The following SPON1 variants were observed in gnomAD, a reference collection of about 807,000 sequenced individuals.
SPON1 encodes spondin-1.
Under a neutral mutation model 111.7 loss-of-function variants are expected in SPON1, and 52 were observed. The observed-to-expected ratio is 0.47, with a 90% CI of 0.37 to 0.59. The LOEUF is 0.59. Among genes scored for constraint, SPON1 ranks in the 20% least tolerant of loss-of-function variants. The pLI, the probability that SPON1 is intolerant of heterozygous loss-of-function variation, is 0.00. For missense variants in SPON1, 957 were observed against 1,068.5 expected (o/e 0.90, Z 1.46); for synonymous variants, 410 against 395.8 (o/e 1.04, Z -0.43).
chr11:14,211,027 C>T (rs1413071370), intron 6 of SPON1, among the ~76,000 whole-genome samples: 3 of 152,140 alleles, frequency 2.0e-5, no homozygotes, highest in African/African-American at 7.2e-5. Flanking sequence ...AGTTTGAAGT[C>T]AGGTAGTGTG....
At chr11:14,219,078 G>C (rs1208769156) in intron 6 of SPON1, among the ~76,000 whole-genome samples, 1 of 152,058 alleles carries the variant, frequency 6.6e-6, no homozygotes, top group Non-Finnish European at 1.5e-5. Context: ...ATGCTAGGTG[G>C]GTGTAGAAAG....
intron 6 of SPON1, among the ~76,000 whole-genome samples, chr11:14,186,699 A>G (rs1554934106): frequency 1.3e-5 from 2 of 152,022 alleles, no homozygotes; most frequent in African/African-American, 4.8e-5. Flanking sequence ...TACATTTCCC[A>G]TTTATATCCT....
chr11:14,063,471 T>C (rs73422186), intron 3 of SPON1, among the ~76,000 whole-genome samples: 2 of 152,094 alleles, frequency 1.3e-5, no homozygotes, highest in South Asian at 4.2e-4. Flanking sequence ...TTCTTGTAGC[T>C]GAAAATATTT....
chr11:14,101,368 C>T (rs1849142834), intron 5 of SPON1, among the ~76,000 whole-genome samples: 1 of 151,886 alleles, frequency 6.6e-6, no homozygotes, highest in African/African-American at 2.4e-5. Flanking sequence ...CCATTGCACT[C>T]CAGCCTGGGT....
intron 2 of SPON1, among the ~76,000 whole-genome samples, chr11:13,996,503 G>T (rs1848273387): frequency 2.0e-5 from 3 of 152,140 alleles, no homozygotes; most frequent in African/African-American, 7.2e-5. Context: ...GCCTGAGTCT[G>T]GGAACCAGAG....
chr11:14,147,506 C>T (rs1847735698), intron 6 of SPON1, among the ~76,000 whole-genome samples: 1 of 152,184 alleles, frequency 6.6e-6, no homozygotes, highest in Non-Finnish European at 1.5e-5. Context: ...CAACCTCTGC[C>T]TCCAAGTTTC....
At chr11:14,160,076 T>G (rs1847892186) in intron 6 of SPON1, among the ~76,000 whole-genome samples, 1 of 151,904 alleles carries the variant, frequency 6.6e-6, no homozygotes, top group Non-Finnish European at 1.5e-5. Context: ...GGATAAATGC[T>G]TGAGGGAATG....
intron 6 of SPON1, among the ~76,000 whole-genome samples, chr11:14,217,767 TAAC>T (rs1848640908): frequency 6.6e-6 from 1 of 152,320 alleles, no homozygotes; most frequent in Admixed American, 6.5e-5. Context: ...ATAAAAATAA[TAAC>T]AATTCCTGTA....
intron 5 of SPON1, among the ~76,000 whole-genome samples, chr11:14,082,617 G>A (rs4757223): frequency 0.28 from 43,283 of 152,086 alleles, 6,984 homozygotes; most frequent in East Asian, 0.56. Flanking sequence ...GGGCAGTATG[G>A]AGGAGAGTGT....
intron 13 of SPON1, 118 bp from the exon 14 acceptor site, chr11:14,260,470 A>G: frequency 2.6e-6 from 3 of 1,137,884 alleles, no homozygotes; most frequent in South Asian, 3.3e-5. Flanking sequence ...CCATGGGCCA[A>G]TTCCACTTTA....
chr11:14,075,308 C>A, intron 3 of SPON1, 37 bp from the exon 4 acceptor site: 1 of 1,524,398 alleles, frequency 6.6e-7, no homozygotes, highest in Non-Finnish European at 8.9e-7. Context: ...CCTTCCTGCC[C>A]TCCTCACCAC....
chr11:14,080,133 G>T, intron 5 of SPON1, 112 bp downstream of exon 5: 1 of 1,282,840 alleles, frequency 7.8e-7, no homozygotes, highest in Non-Finnish European at 1.1e-6. Flanking sequence ...GTATTGGCTG[G>T]TTCATGAAAT....
intron 5 of SPON1, among the ~76,000 whole-genome samples, chr11:14,128,761 G>T (rs782154436): frequency 2.0e-5 from 3 of 152,220 alleles, no homozygotes; most frequent in Non-Finnish European, 4.4e-5. Context: ...GCAGGCTTCT[G>T]CCTGGACATC....
chr11:14,208,758 C>A (rs1400319871), intron 6 of SPON1, among the ~76,000 whole-genome samples: 1 of 152,092 alleles, frequency 6.6e-6, no homozygotes, highest in East Asian at 1.9e-4. Context: ...GTTTATTGTA[C>A]TTCATATAAC....
chr11:14,170,856 G>A (rs1208673297), intron 6 of SPON1, among the ~76,000 whole-genome samples: 4 of 152,120 alleles, frequency 2.6e-5, no homozygotes, highest in African/African-American at 9.7e-5. Context: ...ACTTGATCAT[G>A]GTGGATAAGC....
At chr11:14,019,112 A>T (rs1160331337) in intron 2 of SPON1, among the ~76,000 whole-genome samples, 1 of 152,162 alleles carries the variant, frequency 6.6e-6, no homozygotes, top group Admixed American at 6.6e-5. Context: ...GATGAGCTCC[A>T]TTTGGGACCT....
In SPON1 at chr11:14,265,763, C is replaced by T. The variant is rs1564945822; in HGVS notation, c.*76C>T. Reference sequence around the variant, plus strand: ...GGCTGGATTATTTGCTTGTTTAAGACAATTTAAATTGTGTACGCTAGTTTT... The same window carrying T: ...GGCTGGATTATTTGCTTGTTTAAGATAATTTAAATTGTGTACGCTAGTTTT... On this transcript the variant is annotated 3_prime_UTR_variant, in exon 16 of 16. Transcript: ENST00000576479. 2 of 1,504,002 alleles carry T rather than the reference C, an allele frequency of 1.3e-6. No individual in the cohort carries two copies. The highest frequency in any genetic ancestry group is 2.5e-5 in the South Asian group (2 of 78,516). 93.2% of individuals were successfully genotyped at this position (1,504,002 alleles called of 1,614,324 possible).
At chr11:14,086,080 G>A (rs1277350184) in intron 5 of SPON1, among the ~76,000 whole-genome samples, 1 of 152,138 alleles carries the variant, frequency 6.6e-6, no homozygotes, top group Non-Finnish European at 1.5e-5. Context: ...ATACAATCAT[G>A]TCATCTGCAA....
intron 15 of SPON1, among the ~76,000 whole-genome samples, chr11:14,264,065 G>C (rs1256960396): frequency 6.6e-6 from 1 of 151,800 alleles, no homozygotes; most frequent in Non-Finnish European, 1.5e-5. Context: ...GTACATTCCA[G>C]GCAGCAAGAA....
Sources: allele counts gnomAD v4.1 joint callset (sites outside exome capture counted in the v4.1 genomes callset), GRCh38; gene constraint gnomAD v4.1.1; transcripts MANE v1.5; gene names NCBI Gene and HGNC (gene_info 2026-07-23, HGNC 2026-07-21).